The following KLHL14 variants were observed in gnomAD, a reference collection of about 807,000 sequenced individuals.
KLHL14 encodes kelch-like protein 14.
Under a neutral mutation model 64.3 loss-of-function variants are expected in KLHL14, and 22 were observed. That is an observed-to-expected ratio of 0.34 (90% CI 0.24 to 0.49). The LOEUF (loss-of-function observed/expected upper bound fraction) is 0.49, where lower values mean the gene tolerates loss of function less well. Among genes scored for constraint, KLHL14 ranks in the 20% least tolerant of loss-of-function variants. KLHL14 has a pLI of 0.99. For synonymous variants in KLHL14, 322 were observed against 333.4 expected (o/e 0.97, Z 0.37); for missense variants, 661 against 789.0 (o/e 0.84, Z 1.94).
chr18:32,767,536 G>A (rs968498079), intron 2 of KLHL14, among the ~76,000 whole-genome samples: 1 of 152,148 alleles, frequency 6.6e-6, no homozygotes, highest in Non-Finnish European at 1.5e-5. Flanking sequence ...GCATTCAGTG[G>A]TCAGACACCA....
chr18:32,679,827 A>G (rs541795728), intron 7 of KLHL14, among the ~76,000 whole-genome samples: 1 of 152,298 alleles, frequency 6.6e-6, no homozygotes, highest in African/African-American at 2.4e-5. Flanking sequence ...GAAAAAATTC[A>G]TTACTACAAC....
chr18:32,725,523 C>T (rs1192721405), intron 3 of KLHL14, among the ~76,000 whole-genome samples: 1 of 152,154 alleles, frequency 6.6e-6, no homozygotes, highest in Non-Finnish European at 1.5e-5. Context: ...TGGAGGAACC[C>T]GTGGCTAATG....
chr18:32,686,277 C>T (rs572318294), intron 5 of KLHL14, among the ~76,000 whole-genome samples: 1 of 151,262 alleles, frequency 6.6e-6, no homozygotes, highest in South Asian at 2.1e-4. Context: ...GATCCACCCA[C>T]CTCGGCCTCC....
At chr18:32,688,323 T>C (rs2049890092) in intron 4 of KLHL14, among the ~76,000 whole-genome samples, 1 of 152,178 alleles carries the variant, frequency 6.6e-6, no homozygotes, top group South Asian at 2.1e-4. Flanking sequence ...AACACAATTA[T>C]TAACTGTACA....
intron 8 of KLHL14, among the ~76,000 whole-genome samples, chr18:32,675,976 C>A (rs2049809387): frequency 6.6e-6 from 1 of 152,114 alleles, no homozygotes; most frequent in African/African-American, 2.4e-5. Context: ...CCAAATTAAT[C>A]TTACAAAACT....
At chr18:32,746,055 A>G (rs1469398588) in intron 2 of KLHL14, among the ~76,000 whole-genome samples, 5 of 152,214 alleles carry the variant, frequency 3.3e-5, no homozygotes. Flanking sequence ...TATACTTTTT[A>G]GAAGCTCTTA....
chr18:32,742,072 G>GATGAATAACCACATTACTGTAGAGTC (rs759522571), intron 2 of KLHL14, 23 bp from the exon 3 acceptor site: 15 of 1,610,200 alleles, frequency 9.3e-6, no homozygotes, highest in Non-Finnish European at 1.3e-5. Flanking sequence ...CAAAAGAGGA[G>GATGAATAACCACATTACTGTAGAGTC]ATGAATAACC....
chr18:32,705,463 C>T (rs1038692249), intron 3 of KLHL14, among the ~76,000 whole-genome samples: 2 of 152,212 alleles, frequency 1.3e-5, no homozygotes, highest in African/African-American at 2.4e-5. Context: ...TGGCTCATGC[C>T]TGCAATCCCA....
chr18:32,735,495 C>T (rs2050161258), intron 3 of KLHL14, among the ~76,000 whole-genome samples: 1 of 152,140 alleles, frequency 6.6e-6, no homozygotes, highest in Admixed American at 6.5e-5. Context: ...TTCAGCCACG[C>T]ACCTTCTTTT....
In KLHL14 at chr18:32,769,970, A is replaced by G. The variant is rs1232697705; in HGVS notation, c.622T>C (p.Tyr208His). The change falls in exon 2 of 9, where the codon TAC becomes CAC. Residue 208 changes from tyrosine to histidine, a missense_variant. This residue lies in a region of KLHL14 where 331 missense variants were observed against 339.0 expected (regional missense o/e 0.98). Coordinates refer to ENST00000359358, the MANE Select transcript of KLHL14 (RefSeq NM_020805.3). ...AGCAGCAGCACATCCTCCACCAGGT[A>G]CTTGTTGGCCAGCTTCTTGGTCTCC... ...LEETKKLANKYLVEDVLLLNF... is the reference protein window; with the variant it reads ...LEETKKLANKHLVEDVLLLNF... 1.9e-6 allele frequency: 3 copies of G among 1,614,134 alleles called. No homozygotes were observed. The South Asian group carries it at 3.3e-5, about 18-fold the overall frequency.
intron 2 of KLHL14, among the ~76,000 whole-genome samples, chr18:32,748,686 C>T (rs1037536359): frequency 6.9e-5 from 10 of 145,772 alleles, no homozygotes; most frequent in Middle Eastern, 3.5e-3. Flanking sequence ...GACAGTGTTT[C>T]ACCATGTTGA....
chr18:32,770,194 A>G lies in KLHL14; in HGVS notation c.398T>C (p.Ile133Thr). 1 of 1,613,016 alleles carries G rather than the reference A, an allele frequency of 6.2e-7. No individual in the cohort carries two copies. Among genetic ancestry groups the G allele is most frequent in the Non-Finnish European group, 8.5e-7 (1 of 1,179,184 alleles). Residue 133 changes from isoleucine (I) to threonine (T), a missense_variant, in exon 2 of 9, where the codon ATC becomes ACC. Physicochemically the swap from Ile to Thr is moderately conservative, Grantham distance 89. This residue lies in a region of KLHL14 where 331 missense variants were observed against 339.0 expected (regional missense o/e 0.98). Transcript: ENST00000359358. The surrounding 1 kb of genome is among the most constrained non-coding windows in gnomAD (Gnocchi z 6.7). ...GTACTCGAGCACCAGGCGCAGCCCG[A>G]TGGACGAGCAGCCCTGCAGCACCAG... ...NNLVLQGCSS[I>T]GLRLVLEYLY...
intron 3 of KLHL14, among the ~76,000 whole-genome samples, chr18:32,741,560 A>T (rs960044454): frequency 6.6e-6 from 1 of 152,236 alleles, no homozygotes; most frequent in Admixed American, 6.5e-5. Flanking sequence ...AACCATTTTG[A>T]TGTGAGAAAA....
chr18:32,748,721 C>G (rs771008044), intron 2 of KLHL14, among the ~76,000 whole-genome samples: 40 of 151,096 alleles, frequency 2.6e-4, no homozygotes, highest in Non-Finnish European at 5.3e-4. Flanking sequence ...GCCTCCTGAC[C>G]TCAAGTGATC....
intron 4 of KLHL14, among the ~76,000 whole-genome samples, chr18:32,694,758 ATC>A (rs1452917836): frequency 3.3e-5 from 5 of 152,250 alleles, no homozygotes; most frequent in Non-Finnish European, 7.3e-5. Flanking sequence ...AGTCACAATT[ATC>A]TCTGTTACAC....
chr18:32,748,494 C>T (rs936901205), intron 2 of KLHL14, among the ~76,000 whole-genome samples: 1 of 152,088 alleles, frequency 6.6e-6, no homozygotes, highest in Non-Finnish European at 1.5e-5. Flanking sequence ...CTCAGCCTCC[C>T]GAGTAGCTGG....
rs745703871 is a variant in KLHL14 at position 32,680,565 on chromosome 18, G to C, written c.1273C>G (p.His425Asp). Residue 425 changes from histidine (H) to aspartate (D), a missense_variant, in exon 6 of 9, where the codon CAT (histidine) becomes GAT (aspartate). His to Asp is a moderately conservative substitution (Grantham distance 81). This residue lies in a region of KLHL14 where 330 missense variants were observed against 450.0 expected (regional missense o/e 0.73). Coordinates refer to ENST00000359358, the MANE Select transcript of KLHL14 (RefSeq NM_020805.3). This position sits in a 1 kb window ranked among gnomAD's most constrained non-coding sequence, Gnocchi z 4.8. Reference protein sequence around the residue: ...ASFYACRLDKHLYVIGGRNET... With the variant: ...ASFYACRLDKDLYVIGGRNET... ...TTCCTTCCACCAATTACGTATAAATGCTTGTCCAACCGACATGCATAGAAA... is the reference window on the plus strand; with the variant it reads ...TTCCTTCCACCAATTACGTATAAATCCTTGTCCAACCGACATGCATAGAAA... 1.2e-6 allele frequency: 2 copies of C among 1,613,180 alleles called. No individual in the cohort carries two copies. The highest frequency in any genetic ancestry group is 1.7e-5 in the Admixed American group (1 of 59,822).
chr18:32,711,441 A>G (rs2050018675), intron 3 of KLHL14, among the ~76,000 whole-genome samples: 1 of 152,186 alleles, frequency 6.6e-6, no homozygotes, highest in Admixed American at 6.5e-5. Context: ...AATCTATTCA[A>G]TGGTATTGTG....
chr18:32,712,962 C>A (rs999147242), intron 3 of KLHL14, among the ~76,000 whole-genome samples: 2 of 152,146 alleles, frequency 1.3e-5, no homozygotes, highest in African/African-American at 4.8e-5. Context: ...TGCTCATACT[C>A]CTTGCTGGTT....
Sources: allele counts gnomAD v4.1 joint callset (sites outside exome capture counted in the v4.1 genomes callset), GRCh38; gene constraint gnomAD v4.1.1; regional missense constraint gnomAD v4.1.1; non-coding constraint Gnocchi (gnomAD v3.1); transcripts MANE v1.5; gene names NCBI Gene and HGNC (gene_info 2026-07-23, HGNC 2026-07-21).